The following PCDHGB4 variants were observed in gnomAD, a reference collection of about 807,000 sequenced individuals.
PCDHGB4 encodes the protein protocadherin gamma-B4.
PCDHGB4 carries 38 observed loss-of-function variants against 60.5 expected under a neutral mutation model. The observed-to-expected ratio is 0.63, with a 90% CI of 0.48 to 0.82. The LOEUF is 0.82. Ranked by LOEUF, PCDHGB4 falls within the 40% of genes least tolerant of loss-of-function variation. The pLI, the probability that PCDHGB4 is intolerant of heterozygous loss-of-function variation, is 0.00. For missense variants in PCDHGB4, 1,109 were observed against 1,209.6 expected, an observed-to-expected ratio of 0.92 and a Z score of 1.23; for synonymous variants, 456 against 509.7, an observed-to-expected ratio of 0.89 and a Z score of 1.42.
intron 1 of PCDHGB4, chr5:141,410,578 T>A (rs1432039651): frequency 6.2e-7 from 1 of 1,610,984 alleles, no homozygotes; most frequent in African/African-American, 1.3e-5. Context: ...TTCCACCTCA[T>A]GGTGGGGAGG....
Position 141,418,952 on chromosome 5 carries a change from G to C in PCDHGB4, c.2397+28671G>C, listed in dbSNP as rs1377467334. On this transcript the variant is annotated intron_variant, in intron 1 of 3. Coordinates refer to ENST00000519479, the MANE Select transcript of PCDHGB4 (RefSeq NM_003736.4). ...TATGGAGGATTCCCCTCCAGGAGTG[G>C]TTGTTGCCCTCTTCAAAACACGGGA... 4.3e-6 allele frequency: 7 copies of C among 1,613,932 alleles called. No individual in the cohort carries two copies. Among genetic ancestry groups the C allele is most frequent in the Non-Finnish European group, 5.9e-6 (7 of 1,179,908 alleles).
chr5:141,413,319 C>T, intron 1 of PCDHGB4: 1 of 1,613,960 alleles, frequency 6.2e-7, no homozygotes, highest in South Asian at 1.1e-5. Context: ...AAGGCTCTTT[C>T]GTGGGCAACA....
chr5:141,463,535 G>A (rs1178825067), intron 1 of PCDHGB4, among the ~76,000 whole-genome samples: 4 of 137,928 alleles, frequency 2.9e-5, no homozygotes, highest in East Asian at 2.3e-4. Context: ...TAGAAACTCC[G>A]GCTCCCGGGT....
rs919100488 is a variant in PCDHGB4 at position 141,511,573 on chromosome 5, G to A, written c.*400G>A. On this transcript the variant is annotated 3_prime_UTR_variant, in exon 4 of 4. Transcript: ENST00000519479. ...ACAGTTCCTCTTTCCCGAGTAAGGT[G>A]GTTGGGGTGTTGAAGTACCAAGTAA... 1.1e-4 allele frequency: 33 copies of A among 288,248 alleles called. No individual in the cohort carries two copies. Among genetic ancestry groups the A allele is most frequent in the African/African-American group, 7.1e-4 (33 of 46,356 alleles). The allele number at this position is 288,248 out of a possible 1,614,324, so 17.9% of individuals were successfully genotyped here.
rs756144117 is a variant in PCDHGB4, at chr5:141,485,181, G to A, written c.2398-9626G>A. On this transcript the variant is annotated intron_variant, in intron 1 of 3. Transcript: ENST00000519479. This position sits in a 1 kb window ranked among gnomAD's most constrained non-coding sequence, Gnocchi z 5.7. ...AATTAGCGGGCGGCAGCAATGCTCC[G>A]CAAGGTGAGAAGCTGGACAGAAATC... 3.1e-6 allele frequency: 5 copies of A among 1,612,942 alleles called. No individual in the cohort carries two copies. The South Asian group carries it at 4.4e-5, about 14-fold the overall frequency.
At chr5:141,497,664 C>T (rs779506763) in intron 2 of PCDHGB4, among the ~76,000 whole-genome samples, 14 of 151,904 alleles carry the variant, frequency 9.2e-5, no homozygotes, top group Non-Finnish European at 1.8e-4. Context: ...CTCAGCCTCC[C>T]GAGTAGCTGG....
chr5:141,399,946 G>A (rs911365297), intron 1 of PCDHGB4: 1 of 1,612,270 alleles, frequency 6.2e-7, no homozygotes, highest in African/African-American at 1.3e-5. Context: ...CGTGCTGCAG[G>A]CTAGCGAGCC....
rs114918874 is a variant in PCDHGB4 at position 141,487,585 on chromosome 5, C to T, written c.2398-7222C>T. On this transcript the variant is annotated intron_variant, in intron 1 of 3. Transcript: ENST00000519479. This position sits in a 1 kb window ranked among gnomAD's most constrained non-coding sequence, Gnocchi z 5.0. Reference sequence around the variant, plus strand: ...CAGGGGAGCCTGTTCGCCCAAGCTGCCCACCCTCTGATCTTCTCTATGGGC... The same window carrying T: ...CAGGGGAGCCTGTTCGCCCAAGCTGTCCACCCTCTGATCTTCTCTATGGGC... 7,902 of 1,614,160 alleles carry T rather than the reference C, an allele frequency of 4.9e-3. 42 individuals are homozygous for T. The highest frequency in any genetic ancestry group is 8.8e-3 in the Admixed American group (531 of 60,020).
At chr5:141,458,308 A>G (rs1363472724) in intron 1 of PCDHGB4, among the ~76,000 whole-genome samples, 1 of 152,196 alleles carries the variant, frequency 6.6e-6, no homozygotes, top group Non-Finnish European at 1.5e-5. Context: ...AGATAAAATG[A>G]CACAGACACA....
At chr5:141,396,955 C>T (rs1476582665) in intron 1 of PCDHGB4, among the ~76,000 whole-genome samples, 2 of 152,156 alleles carry the variant, frequency 1.3e-5, no homozygotes, top group Non-Finnish European at 2.9e-5. Context: ...AAAGAAAATC[C>T]TTACTCTCCC....
intron 1 of PCDHGB4, chr5:141,392,819 C>T (rs1346235587): frequency 1.4e-5 from 22 of 1,590,378 alleles, no homozygotes; most frequent in Non-Finnish European, 8.6e-6. Flanking sequence ...CAACAATGGC[C>T]GCTCCACAGA....
Position 141,489,830 on chromosome 5 carries a change from A to C in PCDHGB4, c.2398-4977A>C. On this transcript the variant is annotated intron_variant, in intron 1 of 3. Transcript: ENST00000519479. The surrounding 1 kb of genome is among the most constrained non-coding windows in gnomAD (Gnocchi z 4.5). ...AAGCCATTCCCAGAGCTGGTGCTAG[A>C]GCAGCAGCTGGATCGTGAAGCCCAG... 1 of 1,614,200 alleles carries C rather than the reference A, an allele frequency of 6.2e-7. No homozygotes were observed. Among genetic ancestry groups the C allele is most frequent in the Non-Finnish European group, 8.5e-7 (1 of 1,180,010 alleles).
chr5:141,460,416 A>C (rs966481039), intron 1 of PCDHGB4, among the ~76,000 whole-genome samples: 1 of 152,138 alleles, frequency 6.6e-6, no homozygotes, highest in African/African-American at 2.4e-5. Flanking sequence ...GTTGATGTTT[A>C]TGTATGGTGT....
intron 1 of PCDHGB4, chr5:141,422,081 T>C: frequency 2.5e-6 from 4 of 1,612,346 alleles, no homozygotes; most frequent in Non-Finnish European, 3.4e-6. Context: ...TTTCGGAACA[T>C]GGAAAGCAAG....
intron 1 of PCDHGB4, chr5:141,415,006 C>T (rs1353721901): frequency 1.2e-6 from 2 of 1,613,652 alleles, no homozygotes; most frequent in Non-Finnish European, 8.5e-7. Flanking sequence ...GCTGTCCTAC[C>T]GTCTGCTCAA....
At chr5:141,417,179 A>C (rs1015183950) in intron 1 of PCDHGB4, 1 of 152,194 alleles carries the variant, frequency 6.6e-6, no homozygotes, top group African/African-American at 2.4e-5. Context: ...GAAATAAGGA[A>C]TTATTACTTT....
intron 1 of PCDHGB4, chr5:141,394,624 T>C (rs542816387): frequency 6.2e-7 from 1 of 1,613,110 alleles, no homozygotes; most frequent in African/African-American, 1.3e-5. Flanking sequence ...AACGCCTGGC[T>C]GTCCTACCGC....
chr5:141,451,205 C>G (rs1023049434), intron 1 of PCDHGB4, among the ~76,000 whole-genome samples: 2 of 152,142 alleles, frequency 1.3e-5, no homozygotes, highest in African/African-American at 4.8e-5. Flanking sequence ...TATCCCAAAA[C>G]TTAGTGGCTT....
chr5:141,415,380 C>G (rs759710024), intron 1 of PCDHGB4: 1 of 1,614,250 alleles, frequency 6.2e-7, no homozygotes, highest in South Asian at 1.1e-5. Flanking sequence ...CAGGAGGCGG[C>G]TTGACAGGTG....
Sources: gnomAD v4.1 joint callset for allele counts (sites outside exome capture counted in the v4.1 genomes callset) on GRCh38, gnomAD v4.1.1 for gene constraint, Gnocchi (gnomAD v3.1) non-coding constraint, MANE v1.5 for transcripts, NCBI Gene and HGNC (gene_info 2026-07-23, HGNC 2026-07-21) for gene names.